Variants in NLRX1 observed in about 807,000 individuals in gnomAD.
The protein encoded by NLRX1 is NOD-like receptor X1.
In NLRX1, 67 loss-of-function variants were observed where a neutral mutation model predicts 74.2. That is an observed-to-expected ratio of 0.90 (90% CI 0.74 to 1.11). NLRX1 has a LOEUF of 1.11. Ranked by LOEUF, NLRX1 falls within the 50% of genes least tolerant of loss-of-function variation. The pLI, the probability that NLRX1 is intolerant of heterozygous loss-of-function variation, is 0.00. For synonymous variants in NLRX1, 506 were observed against 559.1 expected, an observed-to-expected ratio of 0.91 and a Z score of 1.34; for missense variants, 1,191 against 1,305.4, an observed-to-expected ratio of 0.91 and a Z score of 1.35.
Position 119,179,924 on chromosome 11 carries a change from A to G in NLRX1, c.1903A>G (p.Asn635Asp), listed in dbSNP as rs761758778. ...CATGGGGGGGCTTCTCTCTGCCCAC[A>G]ACCGAGCTGTGCTAGCTCAGCTTGG... ...MFMGGLLSAH[N>D]RAVLAQLGCP... The change falls in exon 7 of 10, where the codon AAC becomes GAC. Residue 635 changes from asparagine to aspartate, a missense_variant. Transcript: ENST00000409109. The G allele has an allele frequency of 6.2e-7, 1 of 1,611,980 alleles. No individual in the cohort carries two copies. Among genetic ancestry groups the G allele is most frequent in the South Asian group, 1.1e-5 (1 of 91,028 alleles).
In NLRX1 at chr11:119,179,751, C is replaced by G; in HGVS notation, c.1730C>G (p.Ala577Gly). Residue 577 changes from alanine to glycine, a missense_variant, in exon 7 of 10, where the codon GCC (alanine) becomes GGC (glycine). Ala to Gly is a moderately conservative substitution (Grantham distance 60). Transcript: ENST00000409109. ...VGKSREAVAQAMVLEMFREED... is the reference protein window; with the variant it reads ...VGKSREAVAQGMVLEMFREED... ...AAAAGCCGGGAGGCGGTGGCTCAGG[C>G]CATGGTGCTGGAGATGTTTCGAGAG... 6.2e-7 allele frequency: 1 copy of G among 1,613,578 alleles called. No homozygotes were observed. The highest frequency in any genetic ancestry group is 8.5e-7 in the Non-Finnish European group (1 of 1,179,658).
chr11:119,171,110 C>CA (rs1183192433), intron 1 of NLRX1, among the ~76,000 whole-genome samples: 1 of 151,868 alleles, frequency 6.6e-6, no homozygotes, highest in Admixed American at 6.6e-5. Flanking sequence ...GCCTGGGCAA[C>CA]AGAGGGGCAC....
rs1164129331 is a variant in NLRX1 at position 119,173,948 on chromosome 11, T to C, written c.699T>C (p.Ala233=). 1 of 1,614,084 alleles carries C rather than the reference T, an allele frequency of 6.2e-7. No homozygotes were observed. Residue 233 remains alanine (A), a synonymous_variant, in exon 5 of 10, where the codon GCT becomes GCC. Coordinates refer to ENST00000409109, the MANE Select transcript of NLRX1 (RefSeq NM_001282144.2). The surrounding 1 kb of genome is among the most constrained non-coding windows in gnomAD (Gnocchi z 4.0). The part of the protein sequence containing the change: ...LKEVLPLMAA[A]GSHLLFVLHG... ...AGGTTCTGCCCCTGATGGCTGCTGC[T>C]GGGTCCCACCTCCTCTTTGTGCTCC...
intron 7 of NLRX1, 57 bp from the exon 8 acceptor site, chr11:119,181,108 CAGACTG>C: frequency 8.6e-7 from 1 of 1,157,998 alleles, no homozygotes; most frequent in Non-Finnish European, 1.3e-6. Flanking sequence ...GGTAGATGGA[CAGACTG>C]CCTGCTGAAT....
rs1184188640 is a variant in NLRX1, at chr11:119,173,367, C to T, written c.230-112C>T. 1.7e-6 allele frequency: 2 copies of T among 1,172,126 alleles called. No individual in the cohort carries two copies. Among genetic ancestry groups the T allele is most frequent in the Non-Finnish European group, 2.4e-6 (2 of 829,752 alleles). 72.6% of individuals were successfully genotyped at this position (1,172,126 alleles called of 1,614,324 possible). On this transcript the variant is annotated intron_variant, in intron 4 of 9. Coordinates refer to ENST00000409109, the MANE Select transcript of NLRX1 (RefSeq NM_001282144.2). This position sits in a 1 kb window ranked among gnomAD's most constrained non-coding sequence, Gnocchi z 4.0. ...GTCTTGTGTGCCCACCATTGTGGGC[C>T]CCAGCATCTATGCCGTGATGTCCCA...
intron 1 of NLRX1, among the ~76,000 whole-genome samples, chr11:119,170,033 A>AAAAAAG (rs1565823192): frequency 7.7e-6 from 1 of 129,254 alleles, no homozygotes; most frequent in African/African-American, 3.1e-5. Context: ...AAAAAAAAAA[A>AAAAAAG]ATTGGTTGGG....
In NLRX1 at chr11:119,174,878, A is replaced by C; in HGVS notation, c.1275A>C (p.Ala425=). Residue 425 remains alanine (A), a synonymous_variant, in exon 6 of 10, where the codon GCA becomes GCC. Transcript: ENST00000409109. The part of the protein sequence containing the change: ...DPSNLSLMAY[A]ARTMGKLAYE... ...CCAATTTGTCCCTGATGGCCTATGCAGCCCGAACCATGGGCAAGTTGGCCT... is the reference window on the plus strand; with the variant it reads ...CCAATTTGTCCCTGATGGCCTATGCCGCCCGAACCATGGGCAAGTTGGCCT... 6.2e-7 allele frequency: 1 copy of C among 1,614,084 alleles called. No individual in the cohort carries two copies. The highest frequency in any genetic ancestry group is 2.2e-5 in the East Asian group (1 of 44,886).
rs767759158 is a variant in NLRX1, at chr11:119,175,284, C to T, written c.1671+10C>T. 4.1e-5 allele frequency: 66 copies of T among 1,605,574 alleles called. No individual in the cohort carries two copies. In the Middle Eastern group the frequency reaches 6.6e-4, roughly 16 times the overall value. ...CTTCAACCTGATCAAGGTAACATCC[C>T]GATCAAGGTAACCCCCCAACCTGCT... On this transcript the variant is annotated intron_variant, in intron 6 of 9. Coordinates refer to ENST00000409109, the MANE Select transcript of NLRX1 (RefSeq NM_001282144.2).
At chr11:119,177,725 G>A (rs1313580793) in intron 6 of NLRX1, 1 of 152,116 alleles carries the variant, frequency 6.6e-6, no homozygotes, top group Non-Finnish European at 1.5e-5. Context: ...CACAGCTGCT[G>A]CTGAGGCCAC....
chr11:119,173,710 C>T lies in NLRX1; in HGVS notation c.461C>T (p.Ala154Val), dbSNP rs754696725. ...TTGTCTCAGCTCTTTAACCCGGATG[C>T]CTGTGGGCGCCGGGTGCAGACAGTG... ...LALSQLFNPDACGRRVQTVVL... is the reference protein window; with the variant it reads ...LALSQLFNPDVCGRRVQTVVL... Residue 154 changes from alanine (A) to valine (V), a missense_variant, in exon 5 of 10, where the codon GCC becomes GTC. By Grantham distance (64) the Ala-to-Val change is moderately conservative. Coordinates refer to ENST00000409109, the MANE Select transcript of NLRX1 (RefSeq NM_001282144.2). The surrounding 1 kb of genome is among the most constrained non-coding windows in gnomAD (Gnocchi z 4.0). 1 of 1,613,852 alleles carries T rather than the reference C, an allele frequency of 6.2e-7. No individual in the cohort carries two copies. Among genetic ancestry groups the T allele is most frequent in the Non-Finnish European group, 8.5e-7 (1 of 1,179,994 alleles).
Position 119,182,247 on chromosome 11 carries a change from G to A in NLRX1, c.2508G>A (p.Gln836=). The change falls in exon 9 of 10, where the codon CAG becomes CAA. Residue 836 remains glutamine, a synonymous_variant. Transcript: ENST00000409109. Reference sequence around the variant, plus strand: ...CTGCCCAGCTGGACCGCAACCGGCAGCTGCAGGAGCTGAACGTGGCGTACA... The same window carrying A: ...CTGCCCAGCTGGACCGCAACCGGCAACTGCAGGAGCTGAACGTGGCGTACA... ...LLAAQLDRNR[Q]LQELNVAYNG... is the part of the protein sequence containing the mutation. 6.2e-7 allele frequency: 1 copy of A among 1,613,820 alleles called. No homozygotes were observed. Among genetic ancestry groups the A allele is most frequent in the Non-Finnish European group, 8.5e-7 (1 of 1,180,034 alleles).
Position 119,180,205 on chromosome 11 carries a change from T to C in NLRX1, c.2184T>C (p.Asp728=). The change falls in exon 7 of 10, where the codon GAT becomes GAC. Residue 728 remains aspartate (D), a synonymous_variant. Transcript: ENST00000409109. Reference sequence around the variant, plus strand: ...TGGGCAGCGGAAGGCATGCCCTGGATGAGGTGAACTTGGCCTCCTGCCAGC... The same window carrying C: ...TGGGCAGCGGAAGGCATGCCCTGGACGAGGTGAACTTGGCCTCCTGCCAGC... ...AVLGSGRHAL[D]EVNLASCQLD... 1 of 1,612,028 alleles carries C rather than the reference T, an allele frequency of 6.2e-7. No individual in the cohort carries two copies. Among genetic ancestry groups the C allele is most frequent in the Non-Finnish European group, 8.5e-7 (1 of 1,178,654 alleles).
At position 119,173,591 on chromosome 11, in the gene NLRX1, GA is replaced by G. The variant is rs562753090; in HGVS notation, c.343del (p.Ile115SerfsTer109). On this transcript the variant is annotated frameshift_variant, in exon 5 of 10. Coordinates refer to ENST00000409109, the MANE Select transcript of NLRX1 (RefSeq NM_001282144.2). LOFTEE classifies it high-confidence loss of function. The surrounding 1 kb of genome is among the most constrained non-coding windows in gnomAD (Gnocchi z 4.0). ...TAGACACGGTCCACGTTGACCCTGT[GA>G]TCCGCGAGAGTACCCCTGATGAGCT... Reference protein sequence around the residue: ...ALDTVHVDPVIRESTPDELLR... With the variant: ...ALDTVHVDPVXRESTPDELLR... 1.7e-4 allele frequency: 279 copies of G among 1,614,148 alleles called. No homozygotes were observed. The African/African-American group carries it at 2.8e-3, about 16-fold the overall frequency.
Position 119,174,598 on chromosome 11 carries a change from G to T in NLRX1, c.995G>T (p.Gly332Val), listed in dbSNP as rs375350872. Residue 332 changes from glycine to valine, a missense_variant, in exon 6 of 10, where the codon GGG becomes GTG. Transcript: ENST00000409109. ...CTCCGCCTCAACCAGCCGTACTGCG[G>T]GTATGCCGTTGGCGGTTCAGGTGTC... ...FQLRLNQPYC[G>V]YAVGGSGVSA... The T allele has an allele frequency of 6.2e-7, 1 of 1,614,182 alleles. No individual in the cohort carries two copies. Among genetic ancestry groups the T allele is most frequent in the African/African-American group, 1.3e-5 (1 of 75,068 alleles).
chr11:119,174,438 C>T lies in NLRX1; in HGVS notation c.850-15C>T. ...CACTAAGGTCTTTCTTAACTCTCAA[C>T]CATGCTCTTCCCAGGCCAGCATTCT... On this transcript the variant is annotated splice_polypyrimidine_tract_variant and intron_variant, in intron 5 of 9. Transcript: ENST00000409109. The T allele has an allele frequency of 6.2e-7, 1 of 1,608,408 alleles. No individual in the cohort carries two copies. Among genetic ancestry groups the T allele is most frequent in the Admixed American group, 1.7e-5 (1 of 59,792 alleles).
chr11:119,180,512 C>T (rs561616285), intron 7 of NLRX1, among the ~76,000 whole-genome samples: 81 of 152,198 alleles, frequency 5.3e-4, no homozygotes, highest in Non-Finnish European at 8.7e-4. Context: ...CGAGACCAGC[C>T]TCAACATGGA....
intron 3 of NLRX1, 91 bp from the exon 4 acceptor site, chr11:119,172,810 G>A (rs1276872512): frequency 3.2e-6 from 3 of 932,174 alleles, no homozygotes; most frequent in South Asian, 1.3e-5. Flanking sequence ...GAAACCAGAA[G>A]TCTAGCAGTG....
Position 119,174,851 on chromosome 11 carries a change from C to A in NLRX1, c.1248C>A (p.Pro416=), listed in dbSNP as rs774223177. 103 of 1,613,994 alleles carry A rather than the reference C, an allele frequency of 6.4e-5. No individual in the cohort carries two copies. Among genetic ancestry groups the A allele is most frequent in the Non-Finnish European group, 8.5e-5 (100 of 1,180,052 alleles). ...FSGETLDSTD[P]SNLSLMAYAA... Reference sequence around the variant, plus strand: ...GGGAAACCCTGGACAGCACTGACCCCTCCAATTTGTCCCTGATGGCCTATG... The same window carrying A: ...GGGAAACCCTGGACAGCACTGACCCATCCAATTTGTCCCTGATGGCCTATG... Residue 416 remains proline, a synonymous_variant, in exon 6 of 10, where the codon CCC becomes CCA. Coordinates refer to ENST00000409109, the MANE Select transcript of NLRX1 (RefSeq NM_001282144.2).
At chr11:119,169,526 G>A (rs554368775) in intron 1 of NLRX1, among the ~76,000 whole-genome samples, 22 of 152,354 alleles carry the variant, frequency 1.4e-4, no homozygotes, top group Admixed American at 8.5e-4. Context: ...GGTTGGCCCT[G>A]CTAAGGCAGG....
Sources: allele counts gnomAD v4.1 joint callset (sites outside exome capture counted in the v4.1 genomes callset), GRCh38; gene constraint gnomAD v4.1.1; non-coding constraint Gnocchi (gnomAD v3.1); transcripts MANE v1.5; gene names NCBI Gene and HGNC (gene_info 2026-07-23, HGNC 2026-07-21).